The following CASR variants were observed in gnomAD, a reference collection of about 807,000 sequenced individuals.
The protein encoded by CASR is calcium sensing receptor, also known as extracellular calcium-sensing receptor.
Under a neutral mutation model 69.1 loss-of-function variants are expected in CASR, and 23 were observed. The observed-to-expected ratio is 0.33, with a 90% CI of 0.24 to 0.47. The LOEUF is 0.47. Ranked by LOEUF, CASR falls within the 20% of genes least tolerant of loss-of-function variation. The pLI is 1.00. For synonymous variants in CASR, 541 were observed against 544.7 expected (o/e 0.99, Z 0.10); for missense variants, 924 against 1,356.1 (o/e 0.68, Z 5.00).
intron 1 of CASR, among the ~76,000 whole-genome samples, chr3:122,205,046 T>G (rs944741962): frequency 6.6e-6 from 1 of 152,182 alleles, no homozygotes. Flanking sequence ...CTTTGTTGAT[T>G]GTTTCTTTTG....
At chr3:122,281,673 T>C (rs1319416027) in intron 5 of CASR, among the ~76,000 whole-genome samples, 1 of 152,242 alleles carries the variant, frequency 6.6e-6, no homozygotes, top group Non-Finnish European at 1.5e-5. Context: ...TGAATAATAC[T>C]TATAGATTTG....
In CASR at chr3:122,258,356, T is replaced by TC. The variant is rs1418487440; in HGVS notation, c.492+971dup. ...ATTTACATTTCTATGTTGGGAGGGC[T>TC]CCTTTTTTTTTTTTTTTTTTTTGGT... On this transcript the variant is annotated intron_variant, in intron 3 of 6. Coordinates refer to ENST00000639785, the MANE Select transcript of CASR (RefSeq NM_000388.4). 5.9e-5 allele frequency among the ~76,000 whole-genome samples: 8 copies of TC among 135,656 alleles called. No individual in the cohort carries two copies. In the South Asian group the frequency reaches 1.5e-3, roughly 26 times the overall value. The allele number at this position is 135,656 out of a possible 152,430, so 89.0% of individuals were successfully genotyped here. A position where few individuals can be genotyped will look rare whatever the true frequency, so the allele number is the denominator to read the frequency against.
At chr3:122,241,427 T>TA in intron 1 of CASR, among the ~76,000 whole-genome samples, 1 of 152,138 alleles carries the variant, frequency 6.6e-6, no homozygotes, top group East Asian at 1.9e-4. Context: ...TTGGAAAACT[T>TA]ATAAGAAATA....
At chr3:122,250,341 T>C (rs950707672) in intron 1 of CASR, among the ~76,000 whole-genome samples, 1 of 152,022 alleles carries the variant, frequency 6.6e-6, no homozygotes, top group Non-Finnish European at 1.5e-5. Context: ...ACCCCAAATC[T>C]CTCCTTCCTC....
intron 1 of CASR, among the ~76,000 whole-genome samples, chr3:122,214,692 A>G (rs1172927932): frequency 6.6e-6 from 1 of 152,208 alleles, no homozygotes; most frequent in African/African-American, 2.4e-5. Context: ...CCTAGACTCT[A>G]ATGGCTAGAA....
chr3:122,258,242 C>G (rs2074578204), intron 3 of CASR, among the ~76,000 whole-genome samples: 1 of 151,988 alleles, frequency 6.6e-6, no homozygotes, highest in Admixed American at 6.6e-5. Flanking sequence ...TGCATCCTTA[C>G]ATCAAGTTTG....
At chr3:122,255,389 G>A (rs529764488) in intron 2 of CASR, among the ~76,000 whole-genome samples, 8 of 152,176 alleles carry the variant, frequency 5.3e-5, no homozygotes, top group Non-Finnish European at 1.2e-4. Flanking sequence ...TGAAAACTAG[G>A]ATTGTTCCAA....
rs2107651678 is a variant in CASR, at chr3:122,284,954, C to G, written c.3000C>G (p.Ala1000=). Residue 1000 remains alanine (A), a synonymous_variant, in exon 7 of 7, where the codon GCC becomes GCG. Coordinates refer to ENST00000639785, the MANE Select transcript of CASR (RefSeq NM_000388.4). ...CTACGCACCAGAACTCCCTGGAGGC[C>G]CAGAAAAGCAGCGATACGCTGACCC... ...RNSTHQNSLE[A]QKSSDTLTRH... 1.2e-6 allele frequency: 2 copies of G among 1,614,162 alleles called. No individual in the cohort carries two copies. The highest frequency in any genetic ancestry group is 1.1e-5 in the South Asian group (1 of 91,080).
At chr3:122,264,705 T>C (rs2074668766) in intron 4 of CASR, among the ~76,000 whole-genome samples, 1 of 152,182 alleles carries the variant, frequency 6.6e-6, no homozygotes, top group Non-Finnish European at 1.5e-5. Context: ...CAAAATGTCC[T>C]GAGTGCTTGG....
At chr3:122,193,070 C>T (rs1048271958) in intron 1 of CASR, among the ~76,000 whole-genome samples, 8 of 151,956 alleles carry the variant, frequency 5.3e-5, no homozygotes, top group Non-Finnish European at 7.4e-5. Context: ...CACTCTAATC[C>T]ACTCCTTCTT....
rs1224422861 is a variant in CASR, at chr3:122,286,803, T to C, written c.*1612T>C. 2 of 152,228 alleles carry C rather than the reference T, an allele frequency of 1.3e-5. No individual in the cohort carries two copies. The highest frequency in any genetic ancestry group is 2.9e-5 in the Non-Finnish European group (2 of 68,054). The allele number at this position is 152,228 out of a possible 1,614,324, so 9.4% of individuals were successfully genotyped here. On this transcript the variant is annotated 3_prime_UTR_variant, in exon 7 of 7. Transcript: ENST00000639785. ...GAGGTTCTAAGCTGAGGCCAAACCATTGCAATTAAATCTCCTGAAGCCTCA... is the reference window on the plus strand; with the variant it reads ...GAGGTTCTAAGCTGAGGCCAAACCACTGCAATTAAATCTCCTGAAGCCTCA...
At chr3:122,223,294 T>C (rs1050178823) in intron 1 of CASR, among the ~76,000 whole-genome samples, 2 of 152,022 alleles carry the variant, frequency 1.3e-5, no homozygotes, top group African/African-American at 4.8e-5. Flanking sequence ...GTGAGATGGA[T>C]AGGCCACTAG....
intron 3 of CASR, among the ~76,000 whole-genome samples, chr3:122,259,540 G>A (rs1175669835): frequency 6.6e-6 from 1 of 150,794 alleles, no homozygotes; most frequent in Non-Finnish European, 1.5e-5. Flanking sequence ...TTACTTTTTA[G>A]TCAAGTTGGC....
chr3:122,230,535 A>G (rs905979126), intron 1 of CASR, among the ~76,000 whole-genome samples: 1 of 151,874 alleles, frequency 6.6e-6, no homozygotes, highest in East Asian at 1.9e-4. Flanking sequence ...ACCATCCCCC[A>G]CCCCCTGCAA....
In CASR at chr3:122,290,999, A is replaced by G. The variant is rs1447033491; in HGVS notation, c.*5808A>G. Reference sequence around the variant, plus strand: ...GTGGTGTTTGGTTTTTTGTCCTTGTATTAGTTTGCTGAGAATGATGGTTTC... The same window carrying G: ...GTGGTGTTTGGTTTTTTGTCCTTGTGTTAGTTTGCTGAGAATGATGGTTTC... On this transcript the variant is annotated 3_prime_UTR_variant, in exon 7 of 7. Transcript: ENST00000639785. 2 of 150,886 alleles carry G rather than the reference A, an allele frequency of 1.3e-5. No homozygotes were observed. The highest frequency in any genetic ancestry group is 2.4e-5 in the African/African-American group (1 of 41,004). 9.3% of individuals were successfully genotyped at this position (150,886 alleles called of 1,614,324 possible).
At position 122,284,888 on chromosome 3, in the gene CASR, C is replaced by T. The variant is rs773041784; in HGVS notation, c.2934C>T (p.Ser978=). The T allele has an allele frequency of 9.9e-6, 16 of 1,614,084 alleles. No homozygotes were observed. The South Asian group carries it at 1.2e-4, about 12-fold the overall frequency. The change falls in exon 7 of 7, where the codon AGC becomes AGT. Residue 978 remains serine (S), a synonymous_variant. Transcript: ENST00000639785. The part of the protein sequence containing the change: ...FGSGTVTFSL[S]FDEPQKNAMA... ...GCGGCACGGTCACCTTCTCACTGAG[C>T]TTTGATGAGCCTCAGAAGAACGCCA... is the stretch of plus-strand genomic sequence containing the variant.
chr3:122,242,876 T>A (rs2074391281), intron 1 of CASR, among the ~76,000 whole-genome samples: 1 of 152,138 alleles, frequency 6.6e-6, no homozygotes, highest in Non-Finnish European at 1.5e-5. Context: ...TCCACACACC[T>A]ACAGTGAACT....
chr3:122,219,759 T>C (rs1559942313), intron 1 of CASR, among the ~76,000 whole-genome samples: 1 of 152,212 alleles, frequency 6.6e-6, no homozygotes, highest in South Asian at 2.1e-4. Flanking sequence ...GAGTCAGACA[T>C]TGGAGATTTA....
intron 1 of CASR, among the ~76,000 whole-genome samples, chr3:122,211,841 G>A (rs910588610): frequency 1.3e-5 from 2 of 152,126 alleles, no homozygotes; most frequent in African/African-American, 4.8e-5. Context: ...AGAGAAACAC[G>A]AAACCAACCC....
Sources: allele counts gnomAD v4.1 joint callset (sites outside exome capture counted in the v4.1 genomes callset), GRCh38; gene constraint gnomAD v4.1.1; transcripts MANE v1.5; gene names NCBI Gene and HGNC (gene_info 2026-07-23, HGNC 2026-07-21).